GABBR2: variants seen among roughly 807,000 people sequenced by gnomAD.
The protein encoded by GABBR2 is G-protein coupled receptor 51.
Under a neutral mutation model 105.6 loss-of-function variants are expected in GABBR2, and 23 were observed. That is an observed-to-expected ratio of 0.22 (90% CI 0.16 to 0.31). The LOEUF (loss-of-function observed/expected upper bound fraction) is 0.31, where lower values mean the gene tolerates loss of function less well. Ranked by LOEUF, GABBR2 falls within the 10% of genes least tolerant of loss-of-function variation. The pLI, the probability that GABBR2 is intolerant of heterozygous loss-of-function variation, is 1.00. For missense variants in GABBR2, 734 were observed against 1,245.5 expected (o/e 0.59, Z 6.18); for synonymous variants, 478 against 499.7 (o/e 0.96, Z 0.58).
At chr9:98,295,654 T>A (rs549758547) in intron 17 of GABBR2, among the ~76,000 whole-genome samples, 2 of 152,114 alleles carry the variant, frequency 1.3e-5, no homozygotes, top group Admixed American at 1.3e-4. Context: ...GCCTCCCAAG[T>A]AGCTGGGACT....
At chr9:98,685,689 G>T (rs779846318) in intron 1 of GABBR2, among the ~76,000 whole-genome samples, 3 of 152,092 alleles carry the variant, frequency 2.0e-5, no homozygotes, top group Non-Finnish European at 2.9e-5. Context: ...TATAGTTTTT[G>T]ATTTTACTTA....
intron 11 of GABBR2, among the ~76,000 whole-genome samples, chr9:98,380,254 T>G (rs1831947917): frequency 6.6e-6 from 1 of 152,174 alleles, no homozygotes; most frequent in Admixed American, 6.5e-5. Context: ...CAGGAAGCTG[T>G]TACTACCCCA....
intron 13 of GABBR2, among the ~76,000 whole-genome samples, chr9:98,330,479 A>G (rs747029955): frequency 2.6e-5 from 4 of 152,236 alleles, no homozygotes; most frequent in Non-Finnish European, 4.4e-5. Flanking sequence ...CCTTTTCAAG[A>G]TGCCAATATA....
At chr9:98,705,805 G>A (rs555181741) in intron 1 of GABBR2, among the ~76,000 whole-genome samples, 13 of 152,298 alleles carry the variant, frequency 8.5e-5, no homozygotes, top group African/African-American at 2.2e-4. Flanking sequence ...AGCTGGGCAC[G>A]GTGGCTCATG....
chr9:98,403,756 AATAT>A (rs377488353), intron 8 of GABBR2, among the ~76,000 whole-genome samples: 1 of 145,304 alleles, frequency 6.9e-6, no homozygotes, highest in South Asian at 2.2e-4. Flanking sequence ...GAAAAAAAAA[AATAT>A]ATATATATAT....
intron 3 of GABBR2, among the ~76,000 whole-genome samples, chr9:98,525,187 T>G (rs565488337): frequency 2.4e-4 from 36 of 151,646 alleles, no homozygotes; most frequent in African/African-American, 8.3e-4. Flanking sequence ...TAAAAACTTT[T>G]GTGCAAAAAA....
chr9:98,377,094 C>T (rs1331363570), intron 11 of GABBR2, among the ~76,000 whole-genome samples: 1 of 152,130 alleles, frequency 6.6e-6, no homozygotes, highest in Non-Finnish European at 1.5e-5. Flanking sequence ...GCAGCCTTGG[C>T]TCAGGCCACA....
rs1394042045 is a variant in GABBR2, at chr9:98,303,278, T to C, written c.2375A>G (p.Gln792Arg). ...QASTSRLEGL[Q>R]SENHRLRMKI... is the part of the protein sequence containing the mutation. The stretch of plus-strand genomic sequence containing the variant: ...CATTCGCAGGCGATGGTTTTCTGAC[T>C]GTAGGCCCTCCAGGCGGGATGTGCT... The change falls in exon 16 of 19, where the codon CAG becomes CGG. Residue 792 changes from glutamine (Q) to arginine (R), a missense_variant. Transcript: ENST00000259455. The C allele has an allele frequency of 1.9e-6, 3 of 1,614,218 alleles. No homozygotes were observed. Among genetic ancestry groups the C allele is most frequent in the East Asian group, 2.2e-5 (1 of 44,880 alleles).
At chr9:98,467,353 G>A (rs893417016) in intron 6 of GABBR2, among the ~76,000 whole-genome samples, 2 of 152,202 alleles carry the variant, frequency 1.3e-5, no homozygotes, top group Admixed American at 6.5e-5. Flanking sequence ...CCATGGGCCA[G>A]TCAGCCTTTT....
At chr9:98,675,360 T>A (rs1005330875) in intron 1 of GABBR2, among the ~76,000 whole-genome samples, 4 of 151,806 alleles carry the variant, frequency 2.6e-5, no homozygotes, top group African/African-American at 7.3e-5. Context: ...CAGTGACAAG[T>A]CCTGGGCCAG....
intron 13 of GABBR2, among the ~76,000 whole-genome samples, chr9:98,361,842 C>G (rs1831590953): frequency 6.6e-6 from 1 of 152,210 alleles, no homozygotes; most frequent in African/African-American, 2.4e-5. Flanking sequence ...TGAGTAAACA[C>G]TGTCTCGAGA....
At chr9:98,499,088 G>A (rs1482240894) in intron 3 of GABBR2, among the ~76,000 whole-genome samples, 2 of 152,204 alleles carry the variant, frequency 1.3e-5, no homozygotes, top group African/African-American at 2.4e-5. Flanking sequence ...TCAAGGCTCA[G>A]CAAAAACACT....
rs1301082792 is a variant in GABBR2 at position 98,704,660 on chromosome 9, T to C, written c.321+3757A>G. On this transcript the variant is annotated intron_variant, in intron 1 of 18. Transcript: ENST00000259455. Reference sequence around the variant, plus strand: ...ACTGGAAGGGAATGATGCTAATTATTAGATGTTATTATTTTTGTGTAGATG... The same window carrying C: ...ACTGGAAGGGAATGATGCTAATTATCAGATGTTATTATTTTTGTGTAGATG... Among the ~76,000 whole-genome samples, 4 of 152,332 alleles carry C rather than the reference T, an allele frequency of 2.6e-5. No individual in the cohort carries two copies. The East Asian group carries it at 7.7e-4, about 29-fold the overall frequency.
intron 1 of GABBR2, among the ~76,000 whole-genome samples, chr9:98,690,839 G>C (rs1830674313): frequency 6.6e-6 from 1 of 152,204 alleles, no homozygotes; most frequent in Admixed American, 6.5e-5. Flanking sequence ...TTCCTCTGCA[G>C]CCAGACTGGC....
chr9:98,622,323 C>A (rs1181515492), intron 1 of GABBR2, among the ~76,000 whole-genome samples: 1 of 152,060 alleles, frequency 6.6e-6, no homozygotes, highest in Non-Finnish European at 1.5e-5. Flanking sequence ...CATTGCTACA[C>A]CTGGCTAATT....
chr9:98,437,320 ATCCAC>A (rs1825943605), intron 7 of GABBR2, among the ~76,000 whole-genome samples: 1 of 152,046 alleles, frequency 6.6e-6, no homozygotes, highest in Admixed American at 6.6e-5. Context: ...CCACAAACTC[ATCCAC>A]CCATTCATCT....
At chr9:98,677,097 A>G (rs1830486657) in intron 1 of GABBR2, among the ~76,000 whole-genome samples, 1 of 152,250 alleles carries the variant, frequency 6.6e-6, no homozygotes, top group Non-Finnish European at 1.5e-5. Context: ...TGGTAGCACT[A>G]AAGATGAAAT....
intron 3 of GABBR2, among the ~76,000 whole-genome samples, chr9:98,509,072 T>C (rs1038099254): frequency 2.0e-5 from 3 of 152,144 alleles, no homozygotes; most frequent in African/African-American, 7.2e-5. Context: ...GAGACAAAAC[T>C]TCCAGAGGAA....
Position 98,385,778 on chromosome 9 carries a change from A to C in GABBR2, c.1530-6T>G. 1 of 1,606,020 alleles carries C rather than the reference A, an allele frequency of 6.2e-7. No individual in the cohort carries two copies. The highest frequency in any genetic ancestry group is 8.5e-7 in the Non-Finnish European group (1 of 1,172,922). ...GACTCGACATCTTTATGAGCCTGAC[A>C]AGAGAAAGAGACAATAGATTTAACA... On this transcript the variant is annotated splice_region_variant and splice_polypyrimidine_tract_variant and intron_variant, in intron 10 of 18. Coordinates refer to ENST00000259455, the MANE Select transcript of GABBR2 (RefSeq NM_005458.8).
Sources: allele counts gnomAD v4.1 joint callset (sites outside exome capture counted in the v4.1 genomes callset), GRCh38; gene constraint gnomAD v4.1.1; transcripts MANE v1.5; gene names NCBI Gene and HGNC (gene_info 2026-07-23, HGNC 2026-07-21).